Variants in HHAT observed in about 807,000 individuals in gnomAD.
The protein encoded by HHAT is hedgehog acyltransferase.
HHAT carries 47 observed loss-of-function variants against 70.8 expected under a neutral mutation model. That is an observed-to-expected ratio of 0.66 (90% confidence interval 0.53 to 0.85). The LOEUF (loss-of-function observed/expected upper bound fraction) is 0.85. Ranked by LOEUF, HHAT falls within the 40% of genes least tolerant of loss-of-function variation. The probability of loss-of-function intolerance (pLI) is 0.00; values close to 1 mark genes in which losing one functional copy is unlikely to be tolerated. For synonymous variants in HHAT, 228 were observed against 247.6 expected (o/e 0.92, Z 0.74); for missense variants, 609 against 604.8 (o/e 1.01, Z -0.07).
chr1:210,454,802 C>G (rs1031088784), intron 7 of HHAT, among the ~76,000 whole-genome samples: 1 of 152,084 alleles, frequency 6.6e-6, no homozygotes, highest in Non-Finnish European at 1.5e-5. Context: ...GGTTTGAGCC[C>G]GTTAAGAAGC....
intron 8 of HHAT, among the ~76,000 whole-genome samples, chr1:210,509,146 T>C (rs556146068): frequency 1.2e-4 from 18 of 152,358 alleles, no homozygotes; most frequent in Admixed American, 4.6e-4. Context: ...AATATGCAGA[T>C]TGAATATCCC....
At chr1:210,547,056 A>G (rs555288142) in intron 9 of HHAT, among the ~76,000 whole-genome samples, 3 of 152,256 alleles carry the variant, frequency 2.0e-5, no homozygotes, top group Non-Finnish European at 2.9e-5. Flanking sequence ...TAGGCCGGGC[A>G]TGGTGGCTCA....
At chr1:210,597,951 A>T (rs1250661902) in intron 10 of HHAT, among the ~76,000 whole-genome samples, 2 of 151,172 alleles carry the variant, frequency 1.3e-5, no homozygotes, top group African/African-American at 4.9e-5. Flanking sequence ...TGAAGCCAGC[A>T]AGTCTCTGAG....
At chr1:210,411,016 A>G (rs947350142) in intron 6 of HHAT, among the ~76,000 whole-genome samples, 3 of 152,234 alleles carry the variant, frequency 2.0e-5, no homozygotes, top group Non-Finnish European at 4.4e-5. Flanking sequence ...CCAATGCATG[A>G]CAAAATGTAC....
At chr1:210,478,936 G>T (rs2094348612) in intron 8 of HHAT, among the ~76,000 whole-genome samples, 1 of 152,152 alleles carries the variant, frequency 6.6e-6, no homozygotes, top group African/African-American at 2.4e-5. Context: ...GAGAGGGTTT[G>T]CAGAGTGGTG....
chr1:210,591,888 T>C (rs1661799481), intron 10 of HHAT, among the ~76,000 whole-genome samples: 2 of 152,192 alleles, frequency 1.3e-5, no homozygotes, highest in Admixed American at 6.5e-5. Context: ...ATTAGGTTTT[T>C]TCCCCGTAGA....
chr1:210,554,976 T>C (rs932167229), intron 9 of HHAT, among the ~76,000 whole-genome samples: 1 of 152,070 alleles, frequency 6.6e-6, no homozygotes, highest in Non-Finnish European at 1.5e-5. Flanking sequence ...GCCCACCAGA[T>C]AAAGGGGGTC....
At chr1:210,333,633 T>G (rs1374265638) in intron 1 of HHAT, among the ~76,000 whole-genome samples, 1 of 152,072 alleles carries the variant, frequency 6.6e-6, no homozygotes, top group African/African-American at 2.4e-5. Flanking sequence ...ACTGGTGACA[T>G]TCGTCAGAGC....
chr1:210,416,894 A>G (rs1421943907), intron 6 of HHAT, among the ~76,000 whole-genome samples: 1 of 152,220 alleles, frequency 6.6e-6, no homozygotes, highest in Non-Finnish European at 1.5e-5. Context: ...AATCACCACA[A>G]CAATGTTTTT....
At position 210,569,372 on chromosome 1, in the gene HHAT, T is replaced by TCAAAAAAAAAAAAAAA; in HGVS notation, c.1044-18525_1044-18510dup. Among the ~76,000 whole-genome samples, 2 of 5,068 alleles carry TCAAAAAAAAAAAAAAA rather than the reference T, an allele frequency of 3.9e-4. 1 individual carries two copies. Among genetic ancestry groups the TCAAAAAAAAAAAAAAA allele is most frequent in the Non-Finnish European group, 2.0e-3 (2 of 1,020 alleles). The allele number at this position is 5,068 out of a possible 152,430, so 3.3% of individuals were successfully genotyped here. A position where few individuals can be genotyped will look rare whatever the true frequency, so the allele number is the denominator to read the frequency against. The stretch of plus-strand genomic sequence containing the variant: ...TCGGGCGACAGAGCCAGAGTCTGCC[T>TCAAAAAAAAAAAAAAA]CAAAAAAAAAAAAAAAAAAAAAAAA... On this transcript the variant is annotated intron_variant, in intron 9 of 11. Coordinates refer to ENST00000261458, the MANE Select transcript of HHAT (RefSeq NM_018194.6).
intron 9 of HHAT, among the ~76,000 whole-genome samples, chr1:210,545,861 T>A (rs2095478955): frequency 6.6e-6 from 1 of 152,242 alleles, no homozygotes; most frequent in African/African-American, 2.4e-5. Flanking sequence ...CTGAAATGAT[T>A]TGGCTGCTTT....
At chr1:210,649,103 A>C (rs948851736) in intron 11 of HHAT, among the ~76,000 whole-genome samples, 15 of 152,338 alleles carry the variant, frequency 9.8e-5, no homozygotes, top group African/African-American at 3.6e-4. Flanking sequence ...GCAAATACTT[A>C]AAGAGGGTAG....
intron 8 of HHAT, among the ~76,000 whole-genome samples, chr1:210,510,955 G>A (rs2094943296): frequency 6.6e-6 from 1 of 152,104 alleles, no homozygotes; most frequent in Non-Finnish European, 1.5e-5. Context: ...GGCTCTACAA[G>A]CTTTGGATGA....
At chr1:210,549,241 G>C (rs78522989) in intron 9 of HHAT, among the ~76,000 whole-genome samples, 2,895 of 149,294 alleles carry the variant, frequency 0.019, 146 homozygotes, top group Admixed American at 0.027. Flanking sequence ...TATTACTGTG[G>C]GTGAGGAAAG....
intron 1 of HHAT, 36 bp from the exon 2 acceptor site, chr1:210,348,897 A>G (rs1417570873): frequency 1.9e-6 from 3 of 1,576,876 alleles, no homozygotes; most frequent in Admixed American, 1.8e-5. Flanking sequence ...CTCTAGTGTC[A>G]TGTTCATGGC....
chr1:210,443,198 A>G (rs1572475734), intron 7 of HHAT, among the ~76,000 whole-genome samples: 1 of 150,386 alleles, frequency 6.6e-6, no homozygotes. Context: ...TGTTCCATTG[A>G]TCTATATCTC....
intron 2 of HHAT, among the ~76,000 whole-genome samples, chr1:210,357,404 A>G (rs2087755481): frequency 1.3e-5 from 2 of 152,238 alleles, no homozygotes; most frequent in Non-Finnish European, 2.9e-5. Context: ...TCAGAAGATG[A>G]AGGATCACAC....
At chr1:210,516,934 G>A (rs1012953259) in intron 9 of HHAT, among the ~76,000 whole-genome samples, 2 of 152,224 alleles carry the variant, frequency 1.3e-5, no homozygotes. Flanking sequence ...CATGGGGGCA[G>A]GAAAGAGCTG....
At chr1:210,513,072 A>G in intron 8 of HHAT, 81 bp from the exon 9 acceptor site, 1 of 846,996 alleles carries the variant, frequency 1.2e-6, no homozygotes, top group Non-Finnish European at 1.9e-6. Context: ...CTATGAATTT[A>G]AATTATAAAT....
Sources: gnomAD v4.1 joint callset for allele counts (sites outside exome capture counted in the v4.1 genomes callset) on GRCh38, gnomAD v4.1.1 for gene constraint, MANE v1.5 for transcripts, NCBI Gene and HGNC (gene_info 2026-07-23, HGNC 2026-07-21) for gene names.